Variants in SACM1L observed in about 807,000 individuals in gnomAD.
SACM1L encodes phosphatidylinositol-3-phosphatase SAC1.
In SACM1L, 32 loss-of-function variants were observed where a neutral mutation model predicts 89.5. The ratio of observed to expected loss-of-function variants is 0.36; its 90% confidence interval spans 0.27 to 0.48. The LOEUF (loss-of-function observed/expected upper bound fraction) is 0.48, where lower values mean the gene tolerates loss of function less well. SACM1L is among the 20% of genes least tolerant of loss of function. The pLI is 0.99. For synonymous variants in SACM1L, 213 were observed against 232.8 expected (o/e 0.92, Z 0.77); for missense variants, 543 against 708.5 (o/e 0.77, Z 2.65).
At chr3:45,730,078 A>G (rs2125701800) in intron 11 of SACM1L, among the ~76,000 whole-genome samples, 1 of 152,056 alleles carries the variant, frequency 6.6e-6, no homozygotes. Context: ...TGTTTTTAAG[A>G]CAGTTGCTTT....
intron 16 of SACM1L, 68 bp downstream of exon 16, chr3:45,737,912 C>A: frequency 7.6e-7 from 1 of 1,312,016 alleles, no homozygotes; most frequent in Non-Finnish European, 1.1e-6. Flanking sequence ...TAAAAATCAC[C>A]TGGGCAGCTT....
At chr3:45,703,626 G>C (rs916899384) in intron 2 of SACM1L, 91 bp downstream of exon 2, 2 of 806,330 alleles carry the variant, frequency 2.5e-6, no homozygotes, top group East Asian at 5.4e-5. Flanking sequence ...GTGTGTCAGT[G>C]TGTGGATCTC....
At chr3:45,689,713 C>T (rs910568443) in intron 1 of SACM1L, 3 of 623,668 alleles carry the variant, frequency 4.8e-6, no homozygotes, top group South Asian at 1.9e-5. Context: ...CCACCGTGCT[C>T]GGCCCCAGCG....
intron 4 of SACM1L, 117 bp downstream of exon 4, chr3:45,707,024 A>G (rs889994277): frequency 1.1e-6 from 1 of 922,350 alleles, no homozygotes; most frequent in Admixed American, 3.0e-5. Context: ...AACAACCTAT[A>G]GAGTAAGATC....
chr3:45,707,662 G>T (rs189922235), intron 4 of SACM1L, among the ~76,000 whole-genome samples: 1 of 152,324 alleles, frequency 6.6e-6, no homozygotes, highest in East Asian at 1.9e-4. Context: ...TGATGGAGTG[G>T]CTGTGACGAA....
At chr3:45,717,936 T>A (rs1298355596) in intron 7 of SACM1L, among the ~76,000 whole-genome samples, 3 of 152,192 alleles carry the variant, frequency 2.0e-5, no homozygotes, top group East Asian at 3.9e-4. Flanking sequence ...ACATAAATAA[T>A]TTTTTTTAAA....
At chr3:45,706,933 T>A in intron 4 of SACM1L, 26 bp downstream of exon 4, 1 of 1,609,872 alleles carries the variant, frequency 6.2e-7, no homozygotes, top group Non-Finnish European at 8.5e-7. Flanking sequence ...TGTTACTAAT[T>A]GCAGCGCCCA....
At chr3:45,697,013 T>C (rs1698143600) in intron 1 of SACM1L, among the ~76,000 whole-genome samples, 1 of 152,134 alleles carries the variant, frequency 6.6e-6, no homozygotes, top group South Asian at 2.1e-4. Context: ...CTTTGTTGCA[T>C]TTAGCTTTTA....
At chr3:45,722,186 C>A in intron 9 of SACM1L, 101 bp downstream of exon 9, 1 of 729,058 alleles carries the variant, frequency 1.4e-6, no homozygotes, top group Non-Finnish European at 2.3e-6. Flanking sequence ...CTTCTCTGTT[C>A]TTATGTAATA....
chr3:45,696,828 G>T (rs1215769190), intron 1 of SACM1L, among the ~76,000 whole-genome samples: 1 of 152,006 alleles, frequency 6.6e-6, no homozygotes, highest in South Asian at 2.1e-4. Flanking sequence ...CTAGAAAATC[G>T]CAATGCCAAC....
chr3:45,734,113 ATTTTT>A (rs377501431), intron 13 of SACM1L, among the ~76,000 whole-genome samples: 1 of 132,114 alleles, frequency 7.6e-6, no homozygotes, highest in South Asian at 2.3e-4. Flanking sequence ...CCATTTAAGA[ATTTTT>A]TTTTTTTTTT....
chr3:45,728,825 A>T (rs1039649492), intron 11 of SACM1L, among the ~76,000 whole-genome samples: 2 of 152,000 alleles, frequency 1.3e-5, no homozygotes, highest in Admixed American at 6.6e-5. Context: ...GGCACATACC[A>T]CCATGCTTGG....
At chr3:45,733,154 G>A (rs909051152) in intron 13 of SACM1L, among the ~76,000 whole-genome samples, 1 of 152,202 alleles carries the variant, frequency 6.6e-6, no homozygotes, top group Admixed American at 6.5e-5. Context: ...TAAGAAAGAA[G>A]GAGAGTTGAC....
chr3:45,722,332 T>G (rs1406689273), intron 9 of SACM1L, among the ~76,000 whole-genome samples: 1 of 151,964 alleles, frequency 6.6e-6, no homozygotes, highest in Non-Finnish European at 1.5e-5. Flanking sequence ...AAGAGAGTTA[T>G]GGAAATGGAG....
chr3:45,725,768 T>G (rs1354994567), intron 11 of SACM1L, among the ~76,000 whole-genome samples: 1 of 152,122 alleles, frequency 6.6e-6, no homozygotes, highest in African/African-American at 2.4e-5. Flanking sequence ...CATCCTTGTC[T>G]TATTCCTTTT....
At chr3:45,730,191 G>C (rs369632699) in intron 11 of SACM1L, among the ~76,000 whole-genome samples, 1 of 151,426 alleles carries the variant, frequency 6.6e-6, no homozygotes, top group Non-Finnish European at 1.5e-5. Flanking sequence ...CATTGAATGA[G>C]TCATGTTTTT....
intron 1 of SACM1L, among the ~76,000 whole-genome samples, chr3:45,699,769 G>A (rs1174850348): frequency 2.6e-5 from 4 of 152,012 alleles, no homozygotes; most frequent in East Asian, 1.9e-4. Context: ...CGATCTGCCC[G>A]CTTCCACCTC....
At chr3:45,708,997 G>A (rs916032892) in intron 4 of SACM1L, among the ~76,000 whole-genome samples, 1 of 151,950 alleles carries the variant, frequency 6.6e-6, no homozygotes, top group Admixed American at 6.6e-5. Context: ...TTTACTTCTC[G>A]TCCATCCCAA....
At chr3:45,714,525 G>C (rs1364913233) in intron 7 of SACM1L, among the ~76,000 whole-genome samples, 1 of 152,160 alleles carries the variant, frequency 6.6e-6, no homozygotes, top group Non-Finnish European at 1.5e-5. Context: ...GAGCCCAGGA[G>C]TTTGAGGCTG....
Sources: gnomAD v4.1 joint callset for allele counts (sites outside exome capture counted in the v4.1 genomes callset) on GRCh38, gnomAD v4.1.1 for gene constraint, MANE v1.5 for transcripts, NCBI Gene and HGNC (gene_info 2026-07-23, HGNC 2026-07-21) for gene names.